The following ACYP2 variants were observed in gnomAD, a reference collection of about 807,000 sequenced individuals.
The protein encoded by ACYP2 is acylphosphatase-2.
In ACYP2, 12 loss-of-function variants were observed where a neutral mutation model predicts 11.2. The observed-to-expected ratio is 1.08, with a 90% CI of 0.69 to 1.74. ACYP2 has a LOEUF of 1.74. ACYP2 is among the 40% of genes most tolerant of loss of function. ACYP2 has a pLI of 0.00. For synonymous variants in ACYP2, 43 were observed against 32.2 expected (o/e 1.33, Z -1.13); for missense variants, 134 against 101.9 (o/e 1.31, Z -1.35).
At chr2:54,104,411 G>A (rs960702597) in intron 4 of ACYP2, among the ~76,000 whole-genome samples, 1 of 152,190 alleles carries the variant, frequency 6.6e-6, no homozygotes, top group Non-Finnish European at 1.5e-5. Flanking sequence ...AAATTGGTGT[G>A]TAGTAAAATG....
At chr2:54,239,852 C>A (rs913411024) in intron 6 of ACYP2, among the ~76,000 whole-genome samples, 1 of 152,052 alleles carries the variant, frequency 6.6e-6, no homozygotes, top group Non-Finnish European at 1.5e-5. Context: ...GAAGAAGAAA[C>A]TGGTAAATAT....
At chr2:53,983,623 G>C (rs866928120) in intron 2 of ACYP2, among the ~76,000 whole-genome samples, 2 of 152,104 alleles carry the variant, frequency 1.3e-5, no homozygotes, top group African/African-American at 4.8e-5. Context: ...TAGTATATAC[G>C]GCTGAAGCAG....
chr2:54,261,738 C>A (rs1687789143), intron 6 of ACYP2, among the ~76,000 whole-genome samples: 1 of 152,182 alleles, frequency 6.6e-6, no homozygotes, highest in Non-Finnish European at 1.5e-5. Flanking sequence ...AACTAGGCCA[C>A]CCAGTTTAGA....
chr2:53,989,803 C>T (rs1251743165), intron 2 of ACYP2, among the ~76,000 whole-genome samples: 4 of 152,088 alleles, frequency 2.6e-5, no homozygotes. Context: ...TGAGTAGTGG[C>T]TGCCTACAGT....
At chr2:54,018,164 A>T (rs1369070142) in intron 2 of ACYP2, among the ~76,000 whole-genome samples, 1 of 152,190 alleles carries the variant, frequency 6.6e-6, no homozygotes, top group Non-Finnish European at 1.5e-5. Flanking sequence ...ATCTGCCTAG[A>T]TGTAGACCAG....
chr2:54,282,231 C>T (rs1450502828), intron 6 of ACYP2, among the ~76,000 whole-genome samples: 1 of 152,162 alleles, frequency 6.6e-6, no homozygotes, highest in Non-Finnish European at 1.5e-5. Context: ...TATTTACACT[C>T]CTGTATCTGT....
intron 4 of ACYP2, among the ~76,000 whole-genome samples, chr2:54,069,078 C>T (rs1676885504): frequency 6.6e-6 from 1 of 151,906 alleles, no homozygotes. Flanking sequence ...CATGTGGCAC[C>T]ACCACACCCA....
intron 2 of ACYP2, among the ~76,000 whole-genome samples, chr2:54,034,412 TTAGATACATC>T (rs1356637475): frequency 6.6e-6 from 1 of 152,172 alleles, no homozygotes; most frequent in Non-Finnish European, 1.5e-5. Flanking sequence ...TTTTCTGTGT[TTAGATACATC>T]TAGATACACG....
At chr2:54,221,639 G>C (rs1226356476) in intron 6 of ACYP2, among the ~76,000 whole-genome samples, 1 of 150,578 alleles carries the variant, frequency 6.6e-6, no homozygotes, top group Non-Finnish European at 1.5e-5. Flanking sequence ...TCCTGCCTCA[G>C]CCTCCTGAGT....
intron 6 of ACYP2, among the ~76,000 whole-genome samples, chr2:54,210,516 G>A (rs1265907109): frequency 6.6e-6 from 1 of 152,158 alleles, no homozygotes; most frequent in Non-Finnish European, 1.5e-5. Context: ...GGGTGACTCT[G>A]CTTTGTTGAA....
chr2:54,034,250 C>T lies in ACYP2; in HGVS notation c.63-16708C>T, dbSNP rs184575859. Reference sequence around the variant, plus strand: ...GTGGGCACTTGTAATCCCAGCTACTCGGGAGGCTGAGGCAGGAGAATTGCT... The same window carrying T: ...GTGGGCACTTGTAATCCCAGCTACTTGGGAGGCTGAGGCAGGAGAATTGCT... On this transcript the variant is annotated intron_variant, in intron 2 of 6. Coordinates refer to ENST00000607452, the MANE Select transcript of ACYP2 (RefSeq NM_001320586.2). Among the ~76,000 whole-genome samples the T allele has an allele frequency of 2.6e-3, 394 of 152,198 alleles. 1 individual carries two copies. The highest frequency in any genetic ancestry group is 7.8e-3 in the African/African-American group (323 of 41,520).
chr2:54,172,600 T>C (rs1014427293), intron 6 of ACYP2, among the ~76,000 whole-genome samples: 1 of 152,158 alleles, frequency 6.6e-6, no homozygotes, highest in African/African-American at 2.4e-5. Context: ...ATCTCTTTTT[T>C]CTTTTATTTA....
intron 4 of ACYP2, among the ~76,000 whole-genome samples, chr2:54,066,548 T>C (rs1244744943): frequency 6.6e-6 from 1 of 152,222 alleles, no homozygotes; most frequent in Non-Finnish European, 1.5e-5. Context: ...AACCCAGCCA[T>C]GTGTTACTAG....
intron 6 of ACYP2, among the ~76,000 whole-genome samples, chr2:54,209,012 T>C (rs911776852): frequency 2.6e-5 from 4 of 152,014 alleles, no homozygotes; most frequent in Non-Finnish European, 5.9e-5. Context: ...AGCTCCACTT[T>C]TAAAACTGTT....
At chr2:54,267,506 A>C in intron 6 of ACYP2, 1 of 700,926 alleles carries the variant, frequency 1.4e-6, no homozygotes, top group Non-Finnish European at 2.2e-6. Flanking sequence ...ATTTGGGGGA[A>C]GGTTACTAGT....
In ACYP2 at chr2:54,121,979, T is replaced by G. The variant is rs183532441; in HGVS notation, c.278-13474T>G. 5.9e-5 allele frequency among the ~76,000 whole-genome samples: 9 copies of G among 152,350 alleles called. No individual in the cohort carries two copies. The East Asian group carries it at 1.7e-3, about 29-fold the overall frequency. On this transcript the variant is annotated intron_variant, in intron 4 of 6. Transcript: ENST00000607452. ...TAGTGTGATGGCTGTTTTAACTGTT[T>G]GAAAGATGCCGTGGTGTATGGCTCC...
rs571615488 is a variant in ACYP2 at position 53,988,544 on chromosome 2, G to A, written c.62+14734G>A. Among the ~76,000 whole-genome samples the A allele has an allele frequency of 7.9e-5, 12 of 152,034 alleles. No homozygotes were observed. In the South Asian group the frequency reaches 8.3e-4, roughly 11 times the overall value. On this transcript the variant is annotated intron_variant, in intron 2 of 6. Transcript: ENST00000607452. ...GCCTCCCGAGAAGCTGGGACCACAGGCATGTGCCACCATGCCTGGCTATAT... is the reference window on the plus strand; with the variant it reads ...GCCTCCCGAGAAGCTGGGACCACAGACATGTGCCACCATGCCTGGCTATAT...
At chr2:54,253,805 G>C (rs1188320736) in intron 6 of ACYP2, 2 of 152,268 alleles carry the variant, frequency 1.3e-5, no homozygotes, top group African/African-American at 4.8e-5. Flanking sequence ...AAAGAGGGGT[G>C]AGGGGCTGAG....
chr2:54,036,822 G>A (rs1001715713), intron 2 of ACYP2, among the ~76,000 whole-genome samples: 4 of 152,136 alleles, frequency 2.6e-5, no homozygotes, highest in Non-Finnish European at 4.4e-5. Flanking sequence ...GGACATTGGC[G>A]GGACTGTTTC....
Sources: gnomAD v4.1 joint callset for allele counts (sites outside exome capture counted in the v4.1 genomes callset) on GRCh38, gnomAD v4.1.1 for gene constraint, MANE v1.5 for transcripts, NCBI Gene and HGNC (gene_info 2026-07-23, HGNC 2026-07-21) for gene names.